Variants in AIMP1 observed in about 807,000 individuals in gnomAD.
AIMP1 encodes the protein aminoacyl tRNA synthase complex-interacting multifunctional protein 1.
A neutral mutation model predicts 33.1 loss-of-function variants in AIMP1; 24 were observed. The observed-to-expected ratio is 0.73, with a 90% CI of 0.53 to 1.02. The LOEUF is 1.02. AIMP1 is among the 50% of genes least tolerant of loss of function. The pLI, the probability that AIMP1 is intolerant of heterozygous loss-of-function variation, is 0.00. For missense variants in AIMP1, 367 were observed against 364.8 expected, an observed-to-expected ratio of 1.01 and a Z score of -0.05; for synonymous variants, 120 against 121.5, an observed-to-expected ratio of 0.99 and a Z score of 0.08.
intron 5 of AIMP1, among the ~76,000 whole-genome samples, chr4:106,332,223 A>G (rs1044389953): frequency 3.9e-5 from 6 of 152,234 alleles, no homozygotes; most frequent in African/African-American, 1.4e-4. Flanking sequence ...TAACAACAAA[A>G]TACAAAACAT....
At chr4:106,331,632 T>C (rs1227493264) in intron 4 of AIMP1, 40 bp from the exon 5 acceptor site, 2 of 1,587,794 alleles carry the variant, frequency 1.3e-6, no homozygotes, top group South Asian at 2.2e-5. Flanking sequence ...TTTTGCTTGG[T>C]TTTATTTCTG....
At chr4:106,328,270 G>T (rs780990970) in intron 4 of AIMP1, 27 bp downstream of exon 4, 1 of 1,573,840 alleles carries the variant, frequency 6.4e-7, no homozygotes, top group Admixed American at 1.8e-5. Context: ...AGCATATTTA[G>T]CTCTTGACTG....
intron 4 of AIMP1, among the ~76,000 whole-genome samples, chr4:106,329,772 C>CCTTTTTTTT (rs1554000880): frequency 1.9e-5 from 1 of 53,062 alleles, no homozygotes; most frequent in Non-Finnish European, 3.8e-5. Context: ...TGCTACATAT[C>CCTTTTTTTT]TTTTTTTTTT....
chr4:106,325,187 T>A (rs577840909), intron 2 of AIMP1, 69 bp downstream of exon 2: 3 of 1,366,948 alleles, frequency 2.2e-6, no homozygotes, highest in Admixed American at 4.0e-5. Flanking sequence ...GAAAAAATAA[T>A]GTTTACCGCT....
upstream of AIMP1, chr4:106,316,338 G>A (rs578122661): frequency 5.2e-6 from 3 of 576,692 alleles, no homozygotes; most frequent in African/African-American, 3.7e-5. Context: ...TAGCGAGAGA[G>A]AAAGAGGTGC....
chr4:106,315,832 C>T (rs1768772518), upstream of AIMP1: 1 of 152,510 alleles, frequency 6.6e-6, no homozygotes, highest in Non-Finnish European at 1.5e-5. Context: ...TCTATCTATT[C>T]TGAAGACATG....
At chr4:106,321,922 G>A (rs1275963046) in intron 1 of AIMP1, among the ~76,000 whole-genome samples, 1 of 149,420 alleles carries the variant, frequency 6.7e-6, no homozygotes, top group African/African-American at 2.5e-5. Flanking sequence ...TCTGAAACAT[G>A]TGCTGTGTCC....
intron 1 of AIMP1, among the ~76,000 whole-genome samples, chr4:106,323,327 T>A (rs1159094896): frequency 6.6e-6 from 1 of 152,178 alleles, no homozygotes; most frequent in African/African-American, 2.4e-5. Context: ...TGAGTTTCTT[T>A]TTTTGATTTT....
At chr4:106,344,822 C>A in intron 6 of AIMP1, among the ~76,000 whole-genome samples, 1 of 152,250 alleles carries the variant, frequency 6.6e-6, no homozygotes, top group South Asian at 2.1e-4. Flanking sequence ...TTATTCATAT[C>A]TTTCTGAACC....
At chr4:106,339,153 A>T (rs534807745) in intron 6 of AIMP1, among the ~76,000 whole-genome samples, 1 of 152,272 alleles carries the variant, frequency 6.6e-6, no homozygotes, top group East Asian at 1.9e-4. Context: ...GTCTCAGATG[A>T]GATGCTGGAC....
upstream of AIMP1, chr4:106,316,469 G>C (rs921135966): frequency 4.5e-5 from 63 of 1,400,900 alleles, no homozygotes; most frequent in African/African-American, 8.3e-4. Flanking sequence ...GGTTGAATCT[G>C]TAGAACACTC....
At chr4:106,332,971 C>T (rs1373519026) in intron 5 of AIMP1, among the ~76,000 whole-genome samples, 2 of 152,008 alleles carry the variant, frequency 1.3e-5, no homozygotes, top group Non-Finnish European at 2.9e-5. Flanking sequence ...CATGAAAATC[C>T]TGATGTCTTG....
chr4:106,347,319 A>G (rs1219329383), intron 6 of AIMP1, among the ~76,000 whole-genome samples: 1 of 152,142 alleles, frequency 6.6e-6, no homozygotes, highest in Non-Finnish European at 1.5e-5. Flanking sequence ...TTTAATATAC[A>G]TAAAGAAACA....
chr4:106,320,134 T>G (rs1267247231), intron 1 of AIMP1, among the ~76,000 whole-genome samples: 1 of 151,266 alleles, frequency 6.6e-6, no homozygotes. Flanking sequence ...ACTCTGAGGA[T>G]TTAAAATTTT....
intron 5 of AIMP1, among the ~76,000 whole-genome samples, chr4:106,334,901 T>C (rs1168081198): frequency 6.6e-6 from 1 of 152,130 alleles, no homozygotes; most frequent in Non-Finnish European, 1.5e-5. Context: ...GAGGCCGATA[T>C]GAATAGAGCA....
At chr4:106,321,483 TGAG>T in intron 1 of AIMP1, 1 of 154,800 alleles carries the variant, frequency 6.5e-6, no homozygotes, top group African/African-American at 2.5e-5. Flanking sequence ...CTGCCCGGTC[TGAG>T]AAGTGAGGAG....
intron 1 of AIMP1, 47 bp downstream of exon 1, chr4:106,316,641 G>T: frequency 6.5e-7 from 1 of 1,538,046 alleles, no homozygotes; most frequent in South Asian, 1.2e-5. Flanking sequence ...CGCCGATTGC[G>T]ATCGTAGGGG....
intron 5 of AIMP1, among the ~76,000 whole-genome samples, chr4:106,333,615 G>T (rs182699984): frequency 2.0e-5 from 3 of 152,250 alleles, no homozygotes; most frequent in Admixed American, 2.0e-4. Flanking sequence ...ACCAGGGACT[G>T]TGCTTTGTGT....
At chr4:106,332,614 C>CATATATATATATATATATACAT (rs34698470) in intron 5 of AIMP1, among the ~76,000 whole-genome samples, 1 of 144,676 alleles carries the variant, frequency 6.9e-6, no homozygotes, top group African/African-American at 2.5e-5. Flanking sequence ...TACAGAGATA[C>CATATATATATATATATATACAT]ATATATATAT....
Sources: allele counts gnomAD v4.1 joint callset (sites outside exome capture counted in the v4.1 genomes callset), GRCh38; gene constraint gnomAD v4.1.1; transcripts MANE v1.5; gene names NCBI Gene and HGNC (gene_info 2026-07-23, HGNC 2026-07-21).